Variants in RFX3 observed in about 807,000 individuals in gnomAD.
RFX3 encodes the protein regulatory factor X3.
Under a neutral mutation model 98.6 loss-of-function variants are expected in RFX3, and 14 were observed. The ratio of observed to expected loss-of-function variants is 0.14; its 90% confidence interval spans 0.09 to 0.22. RFX3 has a LOEUF of 0.22. Ranked by LOEUF, RFX3 falls within the 10% of genes least tolerant of loss-of-function variation. The pLI is 1.00. For synonymous variants in RFX3, 383 were observed against 328.4 expected (o/e 1.17, Z -1.80); for missense variants, 639 against 926.9 (o/e 0.69, Z 4.03).
At chr9:3,257,965 A>C (rs1822357515) in intron 13 of RFX3, among the ~76,000 whole-genome samples, 1 of 152,210 alleles carries the variant, frequency 6.6e-6, no homozygotes, top group Admixed American at 6.5e-5. Flanking sequence ...GCTACTTTTC[A>C]GTGATTGCCA....
chr9:3,252,478 G>A (rs776940803), intron 14 of RFX3, among the ~76,000 whole-genome samples: 21 of 152,238 alleles, frequency 1.4e-4, no homozygotes, highest in Non-Finnish European at 2.8e-4. Flanking sequence ...TATCTGAGCA[G>A]AAACTGGATT....
chr9:3,288,805 T>C (rs930445725), intron 6 of RFX3, among the ~76,000 whole-genome samples: 1 of 152,130 alleles, frequency 6.6e-6, no homozygotes, highest in Non-Finnish European at 1.5e-5. Flanking sequence ...ACTTACTTAA[T>C]ATTTTGAAAC....
intron 4 of RFX3, among the ~76,000 whole-genome samples, chr9:3,326,593 T>G (rs1831947859): frequency 6.6e-6 from 1 of 152,190 alleles, no homozygotes; most frequent in African/African-American, 2.4e-5. Flanking sequence ...GTATTTGGTT[T>G]TCTGTTCCTG....
At chr9:3,278,020 C>T (rs1039173022) in intron 7 of RFX3, among the ~76,000 whole-genome samples, 1 of 151,988 alleles carries the variant, frequency 6.6e-6, no homozygotes, top group South Asian at 2.1e-4. Context: ...CCATAAGCAT[C>T]ATTTTGTAGC....
At chr9:3,449,933 CA>C (rs1564115781) in intron 1 of RFX3, among the ~76,000 whole-genome samples, 2 of 148,418 alleles carry the variant, frequency 1.3e-5, no homozygotes, top group Non-Finnish European at 3.0e-5. Context: ...TAGTTTAGGA[CA>C]AATAGTGATC....
At chr9:3,411,327 C>G (rs1218236319) in intron 1 of RFX3, among the ~76,000 whole-genome samples, 3 of 151,998 alleles carry the variant, frequency 2.0e-5, no homozygotes, top group African/African-American at 7.2e-5. Flanking sequence ...CTTTCTTTCC[C>G]CCTTTCTCCC....
intron 8 of RFX3, among the ~76,000 whole-genome samples, chr9:3,276,393 G>C (rs569394567): frequency 9.1e-4 from 139 of 152,222 alleles, no homozygotes; most frequent in African/African-American, 3.3e-3. Context: ...TTTGGTGCCT[G>C]TCTTACCATA....
intron 1 of RFX3, among the ~76,000 whole-genome samples, chr9:3,443,663 T>C (rs1228997252): frequency 6.6e-6 from 1 of 152,182 alleles, no homozygotes; most frequent in Non-Finnish European, 1.5e-5. Context: ...CTGCAATAAA[T>C]ATACACATGC....
At chr9:3,239,970 A>AGG (rs1819700732) in intron 15 of RFX3, among the ~76,000 whole-genome samples, 1 of 152,214 alleles carries the variant, frequency 6.6e-6, no homozygotes, top group Admixed American at 6.5e-5. Context: ...ACAGCCAAAA[A>AGG]GGGGCAGCTG....
chr9:3,417,842 G>T (rs1346416669), intron 1 of RFX3, among the ~76,000 whole-genome samples: 2 of 152,116 alleles, frequency 1.3e-5, no homozygotes, highest in East Asian at 3.8e-4. Context: ...ATAAAAAACA[G>T]TTCCGGGAAG....
At chr9:3,257,482 TA>T (rs1262583597) in intron 13 of RFX3, among the ~76,000 whole-genome samples, 1 of 152,192 alleles carries the variant, frequency 6.6e-6, no homozygotes, top group Non-Finnish European at 1.5e-5. Flanking sequence ...TGTAAAAGAC[TA>T]AAATACATGA....
intron 1 of RFX3, chr9:3,421,037 CAAG>C (rs1189002108): frequency 2.4e-5 from 7 of 292,898 alleles, no homozygotes; most frequent in African/African-American, 1.7e-4. Flanking sequence ...AAAAAAAAAA[CAAG>C]AAGGCAACAA....
chr9:3,265,962 G>A (rs1823582791), intron 12 of RFX3, among the ~76,000 whole-genome samples: 1 of 151,936 alleles, frequency 6.6e-6, no homozygotes, highest in South Asian at 2.1e-4. Flanking sequence ...TGTTTAGAAA[G>A]AGCTTATAAA....
chr9:3,362,796 T>G (rs1363512251), intron 2 of RFX3, among the ~76,000 whole-genome samples: 1 of 152,192 alleles, frequency 6.6e-6, no homozygotes, highest in Non-Finnish European at 1.5e-5. Context: ...TGCCTACCAT[T>G]TATTTCTCCC....
At chr9:3,318,972 C>T (rs771215175) in intron 4 of RFX3, among the ~76,000 whole-genome samples, 13 of 152,148 alleles carry the variant, frequency 8.5e-5, no homozygotes, top group South Asian at 2.1e-4. Flanking sequence ...GAGTCTGTGA[C>T]GATAAAACTA....
At chr9:3,521,647 T>TTA (rs1818721033) in intron 1 of RFX3, among the ~76,000 whole-genome samples, 1 of 152,190 alleles carries the variant, frequency 6.6e-6, no homozygotes, top group Non-Finnish European at 1.5e-5. Flanking sequence ...ACATTAATAC[T>TTA]TAAAAATATT....
chr9:3,299,154 T>C (rs1487983241), intron 5 of RFX3, among the ~76,000 whole-genome samples: 1 of 151,638 alleles, frequency 6.6e-6, no homozygotes, highest in Non-Finnish European at 1.5e-5. Context: ...TTAACAACAA[T>C]TTTTTTAAAA....
intron 13 of RFX3, 132 bp from the exon 14 acceptor site, chr9:3,257,331 TAAA>T: frequency 1.4e-6 from 1 of 709,014 alleles, no homozygotes; most frequent in African/African-American, 1.8e-5. Flanking sequence ...ATCCAGAAAA[TAAA>T]AAACTACTTG....
chr9:3,262,125 A>G (rs1054561176), intron 13 of RFX3, among the ~76,000 whole-genome samples: 5 of 150,616 alleles, frequency 3.3e-5, no homozygotes, highest in African/African-American at 9.8e-5. Context: ...CTCTTTTGAA[A>G]CCCCAAAGTT....
Sources: gnomAD v4.1 joint callset for allele counts (sites outside exome capture counted in the v4.1 genomes callset) on GRCh38, gnomAD v4.1.1 for gene constraint, MANE v1.5 for transcripts, NCBI Gene and HGNC (gene_info 2026-07-23, HGNC 2026-07-21) for gene names.